HPSE2: variants seen among roughly 807,000 people sequenced by gnomAD.
HPSE2 encodes the protein inactive heparanase-2.
In HPSE2, 38 loss-of-function variants were observed where a neutral mutation model predicts 60.5. The ratio of observed to expected loss-of-function variants is 0.63; its 90% CI spans 0.48 to 0.82. The LOEUF (loss-of-function observed/expected upper bound fraction) is 0.82. Among genes scored for constraint, HPSE2 ranks in the 40% least tolerant of loss-of-function variants. The pLI, the probability that HPSE2 is intolerant of heterozygous loss-of-function variation, is 0.00. For synonymous variants in HPSE2, 295 were observed against 293.2 expected, an observed-to-expected ratio of 1.01 and a Z score of -0.06; for missense variants, 713 against 740.4, an observed-to-expected ratio of 0.96 and a Z score of 0.43.
chr10:98,847,236 T>C (rs139927335), intron 3 of HPSE2, among the ~76,000 whole-genome samples: 85 of 152,350 alleles, frequency 5.6e-4, no homozygotes, highest in African/African-American at 1.9e-3. Context: ...TGGCTCATAC[T>C]GCCTCTCAAA....
At chr10:99,159,059 G>T (rs968598994) in intron 2 of HPSE2, among the ~76,000 whole-genome samples, 1 of 151,730 alleles carries the variant, frequency 6.6e-6, no homozygotes, top group Admixed American at 6.6e-5. Flanking sequence ...AAAAAGGAAC[G>T]TTCTCACATC....
In HPSE2 at chr10:99,145,437, T is replaced by C. The variant is rs552054000; in HGVS notation, c.449-1038A>G. On this transcript the variant is annotated intron_variant, in intron 2 of 11. Coordinates refer to ENST00000370552, the MANE Select transcript of HPSE2 (RefSeq NM_021828.5). ...CACCACTGCACTCCAGCCTGGGCAA[T>C]AGAGGGAGACTCTGTCTTAAAAAAA... Among the ~76,000 whole-genome samples, 25 of 149,082 alleles carry C rather than the reference T, an allele frequency of 1.7e-4. No homozygotes were observed. In the South Asian group the frequency reaches 5.0e-3, roughly 30 times the overall value.
intron 3 of HPSE2, among the ~76,000 whole-genome samples, chr10:98,982,461 C>T (rs1956230081): frequency 6.6e-6 from 1 of 152,132 alleles, no homozygotes; most frequent in Non-Finnish European, 1.5e-5. Context: ...CTATCTCGCT[C>T]AGTTTTTAAA....
intron 3 of HPSE2, among the ~76,000 whole-genome samples, chr10:99,113,109 G>A (rs932518619): frequency 6.6e-6 from 1 of 152,132 alleles, no homozygotes; most frequent in African/African-American, 2.4e-5. Context: ...GTAAAGGATA[G>A]GCAACCCTCT....
At chr10:98,770,581 G>A (rs77521089) in intron 3 of HPSE2, among the ~76,000 whole-genome samples, 1 of 152,058 alleles carries the variant, frequency 6.6e-6, no homozygotes, top group Non-Finnish European at 1.5e-5. Flanking sequence ...TTGGCTTGAG[G>A]ACTCCCCATG....
the HPSE2 span, among the ~76,000 whole-genome samples, chr10:99,315,798 T>C: frequency 6.6e-6 from 1 of 152,222 alleles, no homozygotes; most frequent in South Asian, 2.1e-4. Context: ...TTTTCAGCCC[T>C]CTTCCCCAAA....
intron 2 of HPSE2, among the ~76,000 whole-genome samples, chr10:99,183,996 CA>C (rs967570894): frequency 6.6e-6 from 1 of 151,372 alleles, no homozygotes; most frequent in Non-Finnish European, 1.5e-5. Flanking sequence ...CCTTAAAAAA[CA>C]AAAAAACTGA....
At chr10:99,073,176 G>A (rs1349846330) in intron 3 of HPSE2, among the ~76,000 whole-genome samples, 2 of 152,054 alleles carry the variant, frequency 1.3e-5, no homozygotes, top group Non-Finnish European at 2.9e-5. Context: ...GAAGGCACGT[G>A]TATGTTCATT....
intron 3 of HPSE2, among the ~76,000 whole-genome samples, chr10:98,981,357 T>C (rs1956201146): frequency 6.6e-6 from 1 of 152,166 alleles, no homozygotes. Context: ...GTGATATAAA[T>C]AGGAAGAGTA....
At chr10:98,501,304 C>A (rs969572169) in intron 9 of HPSE2, among the ~76,000 whole-genome samples, 1 of 152,120 alleles carries the variant, frequency 6.6e-6, no homozygotes, top group Non-Finnish European at 1.5e-5. Flanking sequence ...TAACAAAATA[C>A]TAGCTAACTG....
intron 10 of HPSE2, among the ~76,000 whole-genome samples, chr10:98,486,725 C>T (rs1055210770): frequency 6.6e-6 from 1 of 152,142 alleles, no homozygotes; most frequent in African/African-American, 2.4e-5. Context: ...CGGTCATTCC[C>T]ACTGAAAGTC....
At chr10:99,167,583 G>C (rs1847133265) in intron 2 of HPSE2, among the ~76,000 whole-genome samples, 1 of 151,962 alleles carries the variant, frequency 6.6e-6, no homozygotes, top group Non-Finnish European at 1.5e-5. Context: ...TTATTTTGTG[G>C]GTCTATTTCT....
chr10:98,660,920 A>T (rs1442408473), intron 6 of HPSE2, among the ~76,000 whole-genome samples: 1 of 152,200 alleles, frequency 6.6e-6, no homozygotes, highest in African/African-American at 2.4e-5. Flanking sequence ...AGGTTCCATT[A>T]TCCTAATTTT....
At chr10:98,535,443 C>T (rs1943254068) in intron 9 of HPSE2, among the ~76,000 whole-genome samples, 1 of 152,114 alleles carries the variant, frequency 6.6e-6, no homozygotes, top group Admixed American at 6.5e-5. Context: ...GGTTCACCCT[C>T]TGAGGGTGAT....
In HPSE2 at chr10:98,852,125, G is replaced by A. The variant is rs986125920; in HGVS notation, c.611-108069C>T. Among the ~76,000 whole-genome samples the A allele has an allele frequency of 1.7e-3, 226 of 132,332 alleles. 3 individuals are homozygous for A. The highest frequency in any genetic ancestry group is 6.5e-3 in the African/African-American group (213 of 32,962). 86.8% of individuals were successfully genotyped at this position (132,332 alleles called of 152,430 possible). On this transcript the variant is annotated intron_variant, in intron 3 of 11. Coordinates refer to ENST00000370552, the MANE Select transcript of HPSE2 (RefSeq NM_021828.5). ...CTTGTATATTATGATGTGTGTGTGTGTGTGTGTGTGTGTGTGTGTGTGTGT... is the reference window on the plus strand; with the variant it reads ...CTTGTATATTATGATGTGTGTGTGTATGTGTGTGTGTGTGTGTGTGTGTGT...
chr10:98,506,970 T>C (rs1942223372), intron 9 of HPSE2, among the ~76,000 whole-genome samples: 1 of 152,226 alleles, frequency 6.6e-6, no homozygotes, highest in Non-Finnish European at 1.5e-5. Context: ...GTGACATAGG[T>C]AATAGCTGTA....
intron 6 of HPSE2, among the ~76,000 whole-genome samples, chr10:98,657,140 T>C (rs1222550292): frequency 6.7e-6 from 1 of 149,738 alleles, no homozygotes; most frequent in Non-Finnish European, 1.5e-5. Flanking sequence ...TACTCTTCCT[T>C]CCTCAGTTTT....
chr10:99,139,154 G>T (rs1309470008), intron 3 of HPSE2, among the ~76,000 whole-genome samples: 6 of 152,158 alleles, frequency 3.9e-5, no homozygotes, highest in Admixed American at 2.6e-4. Context: ...GGGAGCTGGA[G>T]TCCATTACTC....
intron 3 of HPSE2, among the ~76,000 whole-genome samples, chr10:98,770,473 T>TCC (rs1455197846): frequency 6.6e-6 from 1 of 152,194 alleles, no homozygotes; most frequent in East Asian, 1.9e-4. Context: ...AGGTCACACT[T>TCC]CCCATGAGCT....
Sources: gnomAD v4.1 joint callset for allele counts (sites outside exome capture counted in the v4.1 genomes callset) on GRCh38, gnomAD v4.1.1 for gene constraint, MANE v1.5 for transcripts, NCBI Gene and HGNC (gene_info 2026-07-23, HGNC 2026-07-21) for gene names.